The following SCYL3 variants were observed in gnomAD, a reference collection of about 807,000 sequenced individuals.
SCYL3 encodes the protein protein-associating with the carboxyl-terminal domain of ezrin.
SCYL3 carries 35 observed loss-of-function variants against 73.8 expected under a neutral mutation model. The ratio of observed to expected loss-of-function variants is 0.47; its 90% CI spans 0.36 to 0.63. SCYL3 has a LOEUF of 0.63. Among genes scored for constraint, SCYL3 ranks in the 20% least tolerant of loss-of-function variants. SCYL3 has a pLI of 0.00. For synonymous variants in SCYL3, 277 were observed against 295.2 expected, an observed-to-expected ratio of 0.94 and a Z score of 0.63; for missense variants, 712 against 798.9, an observed-to-expected ratio of 0.89 and a Z score of 1.31.
chr1:169,854,936 A>AAATTT lies in SCYL3; in HGVS notation c.1336_1340dup (p.Phe447LeufsTer5), dbSNP rs1354574519. 6.2e-7 allele frequency: 1 copy of AAATTT among 1,609,772 alleles called. No homozygotes were observed. Reference sequence around the variant, plus strand: ...TTACATCTGAGAGTCCATTTATGGGAAATTTAATAGGCTGAGAAAATGGAT... The same window carrying AAATTT: ...TTACATCTGAGAGTCCATTTATGGGAAATTTAATTTAATAGGCTGAGAAAATGGAT... On this transcript the variant is annotated frameshift_variant, in exon 12 of 13. Coordinates refer to ENST00000367771, the MANE Select transcript of SCYL3 (RefSeq NM_020423.7). LOFTEE classifies it high-confidence loss of function.
chr1:169,854,559 T>C lies in SCYL3; in HGVS notation c.1718A>G (p.Gln573Arg). The part of the protein sequence containing the change: ...SSLPQKISLV[Q>R]RGDDADQIEP... ...GATTTGGTCTGCGTCATCCCCCCTT[T>C]GTACAAGGCTAATCTTTTGGGGTAA... The change falls in exon 12 of 13, where the codon CAA (glutamine) becomes CGA (arginine). Residue 573 changes from glutamine to arginine, a missense_variant. Transcript: ENST00000367771. 6.2e-7 allele frequency: 1 copy of C among 1,613,832 alleles called. No homozygotes were observed. Among genetic ancestry groups the C allele is most frequent in the Non-Finnish European group, 8.5e-7 (1 of 1,179,932 alleles).
Position 169,878,586 on chromosome 1 carries a change from C to A in SCYL3, c.351+48G>T, listed in dbSNP as rs746380546. 9.8e-6 allele frequency: 14 copies of A among 1,435,316 alleles called. No homozygotes were observed. In the Admixed American group the frequency reaches 1.5e-4, roughly 15 times the overall value. 88.9% of individuals were successfully genotyped at this position (1,435,316 alleles called of 1,614,324 possible). A position where few individuals can be genotyped will look rare whatever the true frequency, so the allele number is the denominator to read the frequency against. On this transcript the variant is annotated intron_variant, in intron 3 of 12. Transcript: ENST00000367771. Reference sequence around the variant, plus strand: ...TATTACCACACACATCACCCTCCCACCCCCATCTACATCAAAGTCTGTGAT... The same window carrying A: ...TATTACCACACACATCACCCTCCCAACCCCATCTACATCAAAGTCTGTGAT...
chr1:169,851,045 C>CTTTTTTTTTTTTTTTTTTTTTTTTT lies in SCYL3; in HGVS notation c.*2643_*2667dup. The stretch of plus-strand genomic sequence containing the variant: ...CCCAAGCCAGGGTAAGCTCAGGGCC[C>CTTTTTTTTTTTTTTTTTTTTTTTTT]TTTTTTTTTTTTTTTTTTTTTTTTT... On this transcript the variant is annotated 3_prime_UTR_variant, in exon 13 of 13. Transcript: ENST00000367771. 5.8e-5 allele frequency: 1 copy of CTTTTTTTTTTTTTTTTTTTTTTTTT among 17,312 alleles called. No homozygotes were observed. Among genetic ancestry groups the CTTTTTTTTTTTTTTTTTTTTTTTTT allele is most frequent in the Non-Finnish European group, 1.0e-4 (1 of 9,630 alleles). 1.1% of individuals were successfully genotyped at this position (17,312 alleles called of 1,614,324 possible). A position where few individuals can be genotyped will look rare whatever the true frequency, so the allele number is the denominator to read the frequency against.
Position 169,854,629 on chromosome 1 carries a change from CAGG to C in SCYL3, c.1645_1647del (p.Pro549del). On this transcript the variant is annotated inframe_deletion, in exon 12 of 13. Coordinates refer to ENST00000367771, the MANE Select transcript of SCYL3 (RefSeq NM_020423.7). ...GACTCTTCAGTGAGTGAAAGCAAAGCAGGAATAGGCTTCTGCTCCCCTGAGGTA... is the reference window on the plus strand; with the variant it reads ...GACTCTTCAGTGAGTGAAAGCAAAGCAATAGGCTTCTGCTCCCCTGAGGTA... 1 of 1,614,020 alleles carries C rather than the reference CAGG, an allele frequency of 6.2e-7. No individual in the cohort carries two copies. Among genetic ancestry groups the C allele is most frequent in the Non-Finnish European group, 8.5e-7 (1 of 1,179,968 alleles).
At chr1:169,880,963 T>C (rs959969510) in intron 2 of SCYL3, among the ~76,000 whole-genome samples, 6 of 152,180 alleles carry the variant, frequency 3.9e-5, no homozygotes, top group Non-Finnish European at 5.9e-5. Context: ...GGTTTCACCA[T>C]GTTGGCCAGG....
intron 6 of SCYL3, among the ~76,000 whole-genome samples, chr1:169,869,758 T>C (rs2102169025): frequency 6.6e-6 from 1 of 152,264 alleles, no homozygotes; most frequent in South Asian, 2.1e-4. Flanking sequence ...ACAATGTCTT[T>C]AGCAGCCTGA....
chr1:169,883,777 G>A (rs1661477687), intron 2 of SCYL3, among the ~76,000 whole-genome samples: 1 of 147,702 alleles, frequency 6.8e-6, no homozygotes, highest in South Asian at 2.1e-4. Context: ...GCATTGCAGT[G>A]GCACAATCTT....
Position 169,859,058 on chromosome 1 carries a change from G to A in SCYL3, c.1295C>T (p.Thr432Ile), listed in dbSNP as rs1659426724. ...KRTAPSFTKN[T>I]DLSLEGDPFS... is the part of the protein sequence containing the mutation. ...ATTCTTACCTTCTAGAGAAAGGTCA[G>A]TATTTTTAGTAAAACTTGGGGCAGT... Residue 432 changes from threonine to isoleucine, a missense_variant, in exon 11 of 13, where the codon ACT (threonine) becomes ATT (isoleucine). Transcript: ENST00000367771. 6.2e-7 allele frequency: 1 copy of A among 1,613,416 alleles called. No individual in the cohort carries two copies. Among genetic ancestry groups the A allele is most frequent in the South Asian group, 1.1e-5 (1 of 90,954 alleles).
intron 3 of SCYL3, among the ~76,000 whole-genome samples, chr1:169,876,835 G>C (rs528939622): frequency 2.6e-5 from 4 of 151,858 alleles, no homozygotes; most frequent in African/African-American, 9.7e-5. Flanking sequence ...GGCGCCTGTA[G>C]TCCCAGCTAC....
chr1:169,866,841 T>TTGGA, intron 8 of SCYL3, 55 bp downstream of exon 8: 2 of 954,460 alleles, frequency 2.1e-6, no homozygotes, highest in Non-Finnish European at 3.3e-6. Context: ...CCTAAAGTGA[T>TTGGA]TATATGGACT....
intron 10 of SCYL3, among the ~76,000 whole-genome samples, chr1:169,861,841 C>A (rs771132953): frequency 3.0e-4 from 46 of 152,120 alleles, no homozygotes; most frequent in Non-Finnish European, 5.6e-4. Context: ...TAGATGAGGT[C>A]ATACTGGGTT....
rs1571420629 is a variant in SCYL3 at position 169,872,487 on chromosome 1, G to A, written c.522+1209C>T. On this transcript the variant is annotated intron_variant, in intron 5 of 12. Transcript: ENST00000367771. Reference sequence around the variant, plus strand: ...AGGGCAGTGTGAAAAGGAAATGTGAGGTCGGTGCCCCCACACAGAGTTCCT... The same window carrying A: ...AGGGCAGTGTGAAAAGGAAATGTGAAGTCGGTGCCCCCACACAGAGTTCCT... Among the ~76,000 whole-genome samples the A allele has an allele frequency of 7.9e-5, 12 of 152,368 alleles. 2 individuals are homozygous for A.
At chr1:169,884,094 A>G (rs1661500229) in intron 2 of SCYL3, among the ~76,000 whole-genome samples, 1 of 152,148 alleles carries the variant, frequency 6.6e-6, no homozygotes, top group Admixed American at 6.5e-5. Flanking sequence ...GGGTTTATTT[A>G]TTTATTCTTA....
rs758297167 is a variant in SCYL3 at position 169,850,380 on chromosome 1, G to T, written c.*3333C>A. On this transcript the variant is annotated 3_prime_UTR_variant, in exon 13 of 13. Transcript: ENST00000367771. ...TTACATGGCTCATGTTTTATTCTTT[G>T]TCCTATTTTTTTTTTTCCGAAATTA... is the stretch of plus-strand genomic sequence containing the variant. 6.9e-7 allele frequency: 1 copy of T among 1,453,640 alleles called. No individual in the cohort carries two copies. 90.0% of individuals were successfully genotyped at this position (1,453,640 alleles called of 1,614,324 possible). A position where few individuals can be genotyped will look rare whatever the true frequency, so the allele number is the denominator to read the frequency against.
At chr1:169,879,437 A>C (rs991028213) in intron 2 of SCYL3, among the ~76,000 whole-genome samples, 5 of 152,242 alleles carry the variant, frequency 3.3e-5, no homozygotes, top group Non-Finnish European at 5.9e-5. Context: ...TCTCAGAAGC[A>C]AGCATCCACT....
chr1:169,885,878 G>C (rs146941219), intron 2 of SCYL3, among the ~76,000 whole-genome samples: 196 of 152,310 alleles, frequency 1.3e-3, no homozygotes, highest in Admixed American at 3.2e-3. Context: ...TGGGGAGCAA[G>C]TAGCTGGCCA....
At chr1:169,871,441 C>T (rs978394680) in intron 5 of SCYL3, among the ~76,000 whole-genome samples, 7 of 152,206 alleles carry the variant, frequency 4.6e-5, no homozygotes, top group Non-Finnish European at 2.9e-5. Flanking sequence ...TTAAGGAACT[C>T]CCCAGCCACG....
At chr1:169,869,595 C>T (rs1295549592) in intron 6 of SCYL3, among the ~76,000 whole-genome samples, 3 of 152,212 alleles carry the variant, frequency 2.0e-5, no homozygotes, top group African/African-American at 7.2e-5. Flanking sequence ...TGGCACAAAG[C>T]TTGAGCCATG....
At chr1:169,860,182 A>G (rs943443407) in intron 10 of SCYL3, 4 of 152,268 alleles carry the variant, frequency 2.6e-5, no homozygotes, top group African/African-American at 9.6e-5. Flanking sequence ...GACAGAAGAA[A>G]GGAATGAAAA....
Sources: gnomAD v4.1 joint callset for allele counts (sites outside exome capture counted in the v4.1 genomes callset) on GRCh38, gnomAD v4.1.1 for gene constraint, MANE v1.5 for transcripts, NCBI Gene and HGNC (gene_info 2026-07-23, HGNC 2026-07-21) for gene names.